The following SMOC2 variants were observed in gnomAD, a reference collection of about 807,000 sequenced individuals.
SMOC2 encodes the protein SPARC related modular calcium binding 2, also known as SPARC-related modular calcium-binding protein 2.
A neutral mutation model predicts 61.4 loss-of-function variants in SMOC2; 39 were observed. That is an observed-to-expected ratio of 0.64 (90% CI 0.49 to 0.83). The LOEUF (loss-of-function observed/expected upper bound fraction) is 0.83. Among genes scored for constraint, SMOC2 ranks in the 40% least tolerant of loss-of-function variants. SMOC2 has a pLI of 0.00. For synonymous variants in SMOC2, 247 were observed against 239.9 expected, an observed-to-expected ratio of 1.03 and a Z score of -0.27; for missense variants, 556 against 592.9, an observed-to-expected ratio of 0.94 and a Z score of 0.65.
At chr6:168,662,378 G>GAGTGGAGACTGGAGGAGC (rs1180913445) in intron 11 of SMOC2, among the ~76,000 whole-genome samples, 12 of 152,232 alleles carry the variant, frequency 7.9e-5, no homozygotes, top group Non-Finnish European at 1.8e-4. Flanking sequence ...AGGTGCGAGT[G>GAGTGGAGACTGGAGGAGC]AGTGGAGACT....
intron 1 of SMOC2, among the ~76,000 whole-genome samples, chr6:168,476,073 A>G (rs1782075658): frequency 6.6e-6 from 1 of 152,190 alleles, no homozygotes; most frequent in Non-Finnish European, 1.5e-5. Flanking sequence ...ACACAAGCGT[A>G]AAAAGATAGA....
intron 2 of SMOC2, among the ~76,000 whole-genome samples, chr6:168,513,875 A>C (rs1372828609): frequency 1.3e-5 from 2 of 152,202 alleles, no homozygotes; most frequent in Non-Finnish European, 2.9e-5. Context: ...TGCTTCTAGC[A>C]CTGGAAACGG....
chr6:168,638,718 T>C (rs1375286808), intron 9 of SMOC2, among the ~76,000 whole-genome samples: 5 of 151,720 alleles, frequency 3.3e-5, no homozygotes, highest in Non-Finnish European at 7.4e-5. Context: ...GGGCCTGGGG[T>C]GGGCGGCTGA....
At chr6:168,605,427 C>T (rs1232156093) in intron 8 of SMOC2, among the ~76,000 whole-genome samples, 2 of 152,054 alleles carry the variant, frequency 1.3e-5, no homozygotes, top group African/African-American at 4.8e-5. Context: ...TAAAATAAAC[C>T]TATTGAAAAG....
At chr6:168,562,660 G>A (rs190137810) in intron 7 of SMOC2, among the ~76,000 whole-genome samples, 3 of 152,326 alleles carry the variant, frequency 2.0e-5, no homozygotes, top group East Asian at 1.9e-4. Flanking sequence ...CAGAGGGTGC[G>A]TTTCTGATTT....
At chr6:168,563,287 A>T (rs369224360) in intron 7 of SMOC2, among the ~76,000 whole-genome samples, 2 of 151,606 alleles carry the variant, frequency 1.3e-5, no homozygotes, top group African/African-American at 2.4e-5. Context: ...TGTAAGTTTT[A>T]TGTGTGTGTG....
chr6:168,486,818 T>C (rs1300654405), intron 1 of SMOC2, among the ~76,000 whole-genome samples: 1 of 152,180 alleles, frequency 6.6e-6, no homozygotes, highest in Non-Finnish European at 1.5e-5. Context: ...ATCCATGTCT[T>C]CTGACTTTTC....
At chr6:168,575,334 C>T (rs185807091) in intron 7 of SMOC2, among the ~76,000 whole-genome samples, 1 of 152,150 alleles carries the variant, frequency 6.6e-6, no homozygotes, top group Non-Finnish European at 1.5e-5. Flanking sequence ...AGATTCCCCC[C>T]GACTTCTTTC....
chr6:168,661,475 G>A (rs1162523551), intron 11 of SMOC2, among the ~76,000 whole-genome samples: 1 of 152,110 alleles, frequency 6.6e-6, no homozygotes, highest in Non-Finnish European at 1.5e-5. Context: ...GGTGGTGTGA[G>A]CCTGTAATCC....
intron 2 of SMOC2, among the ~76,000 whole-genome samples, chr6:168,517,105 C>T (rs1320501371): frequency 3.9e-5 from 6 of 152,320 alleles, no homozygotes; most frequent in South Asian, 2.1e-4. Context: ...CATCCAAGTT[C>T]GCTGTGCCGT....
intron 7 of SMOC2, among the ~76,000 whole-genome samples, chr6:168,581,069 A>G (rs1784907065): frequency 6.6e-6 from 1 of 152,134 alleles, no homozygotes; most frequent in African/African-American, 2.4e-5. Context: ...TGGTTTTTAT[A>G]CCAAAAGTAA....
rs111833393 is a variant in SMOC2 at position 168,570,326 on chromosome 6, C to T, written c.637+21123C>T. ...AGATGTGACTTCTCTGTGGGGGTCT[C>T]TTCAGGAGCAACCAGAGGAGCCTTG... On this transcript the variant is annotated intron_variant, in intron 7 of 12. Transcript: ENST00000356284. Among the ~76,000 whole-genome samples, 503 of 152,272 alleles carry T rather than the reference C, an allele frequency of 3.3e-3. 4 individuals carry two copies. The highest frequency in any genetic ancestry group is 0.011 in the African/African-American group (448 of 41,548).
At chr6:168,614,928 C>T (rs1455937738) in intron 9 of SMOC2, among the ~76,000 whole-genome samples, 1 of 12,504 alleles carries the variant, frequency 8.0e-5, no homozygotes, top group Non-Finnish European at 1.8e-4. Context: ...GGCCTCTTCA[C>T]ACCTACAGCC....
intron 1 of SMOC2, among the ~76,000 whole-genome samples, chr6:168,495,871 G>A (rs138879629): frequency 1.3e-4 from 20 of 152,296 alleles, no homozygotes; most frequent in Non-Finnish European, 2.1e-4. Flanking sequence ...CACACGGCCC[G>A]CCCTGCCCTC....
intron 9 of SMOC2, among the ~76,000 whole-genome samples, chr6:168,648,162 C>T (rs9455680): frequency 0.15 from 23,044 of 152,166 alleles, 1,965 homozygotes; most frequent in Admixed American, 0.23. Flanking sequence ...TTATCTAAAA[C>T]GCCTTTTCTC....
At chr6:168,449,309 G>T (rs1781407251) in intron 1 of SMOC2, among the ~76,000 whole-genome samples, 1 of 152,160 alleles carries the variant, frequency 6.6e-6, no homozygotes, top group African/African-American at 2.4e-5. Context: ...ATTTATAGCG[G>T]TCACTGTAAT....
chr6:168,456,003 A>G (rs1583028903), intron 1 of SMOC2, among the ~76,000 whole-genome samples: 2 of 152,250 alleles, frequency 1.3e-5, no homozygotes, highest in East Asian at 3.9e-4. Flanking sequence ...CAGGGCGGAG[A>G]TGCCCCCAGC....
At chr6:168,586,834 T>C (rs922376097) in intron 7 of SMOC2, among the ~76,000 whole-genome samples, 7 of 152,212 alleles carry the variant, frequency 4.6e-5, no homozygotes, top group African/African-American at 1.7e-4. Context: ...GACTTTGTCA[T>C]TTTCACTTAT....
chr6:168,548,230 T>A (rs917752995), intron 6 of SMOC2, among the ~76,000 whole-genome samples: 3 of 152,190 alleles, frequency 2.0e-5, no homozygotes, highest in Non-Finnish European at 4.4e-5. Flanking sequence ...CTTCCGCAGA[T>A]GAGAGCCCTG....
Sources: allele counts gnomAD v4.1 joint callset (sites outside exome capture counted in the v4.1 genomes callset), GRCh38; gene constraint gnomAD v4.1.1; transcripts MANE v1.5; gene names NCBI Gene and HGNC (gene_info 2026-07-23, HGNC 2026-07-21).